NT5C1A: variants seen among roughly 807,000 people sequenced by gnomAD.
The protein encoded by NT5C1A is cytosolic 5'-nucleotidase 1A.
Under a neutral mutation model 31.0 loss-of-function variants are expected in NT5C1A, and 18 were observed. The ratio of observed to expected loss-of-function variants is 0.58; its 90% CI spans 0.40 to 0.86. The LOEUF (loss-of-function observed/expected upper bound fraction) is 0.86. Ranked by LOEUF, NT5C1A falls within the 40% of genes least tolerant of loss-of-function variation. NT5C1A has a pLI of 0.00. For synonymous variants in NT5C1A, 185 were observed against 203.6 expected (o/e 0.91, Z 0.78); for missense variants, 470 against 505.4 (o/e 0.93, Z 0.67).
At chr1:39,670,809 T>C (rs1458581423) in intron 1 of NT5C1A, among the ~76,000 whole-genome samples, 1 of 152,186 alleles carries the variant, frequency 6.6e-6, no homozygotes, top group African/African-American at 2.4e-5. Flanking sequence ...ACTCAGGCTT[T>C]AAGATCAGGA....
chr1:39,670,973 T>A (rs997805490), intron 1 of NT5C1A, among the ~76,000 whole-genome samples: 2 of 152,176 alleles, frequency 1.3e-5, no homozygotes, highest in African/African-American at 2.4e-5. Flanking sequence ...TCCCCACTCT[T>A]GAGCAGAGCT....
In NT5C1A at chr1:39,659,196, G is replaced by A. The variant is rs368575131; in HGVS notation, c.1032C>T (p.Ala344=). The change falls in exon 6 of 6, where the codon GCC becomes GCT. Residue 344 remains alanine, a synonymous_variant. Transcript: ENST00000235628. ...GTGCCACACCATAAGGCACATGGGC[G>A]GCCACAGTGCCCATCTCCTGAGCCC... The part of the protein sequence containing the change: ...VAGAQEMGTV[A]AHVPYGVAQT... The A allele has an allele frequency of 4.6e-5, 74 of 1,613,898 alleles. No homozygotes were observed. The highest frequency in any genetic ancestry group is 1.1e-4 in the African/African-American group (8 of 74,954).
At chr1:39,670,658 C>T (rs1166406880) in intron 1 of NT5C1A, among the ~76,000 whole-genome samples, 1 of 152,224 alleles carries the variant, frequency 6.6e-6, no homozygotes, top group Non-Finnish European at 1.5e-5. Flanking sequence ...CCTCTGTGGG[C>T]TCTTCCACAT....
chr1:39,662,786 C>T (rs771949171), intron 4 of NT5C1A, among the ~76,000 whole-genome samples: 2 of 152,318 alleles, frequency 1.3e-5, no homozygotes, highest in East Asian at 1.9e-4. Context: ...TCGAAAGACA[C>T]ACATAGAGGG....
chr1:39,664,487 T>TCTCCTCCTCCTCTC (rs202246374), intron 3 of NT5C1A, among the ~76,000 whole-genome samples: 1 of 1,448 alleles, frequency 6.9e-4, no homozygotes, highest in Admixed American at 6.3e-3. Flanking sequence ...AGAGTGGATT[T>TCTCCTCCTCCTCTC]CTCCTCCTCT....
intron 4 of NT5C1A, among the ~76,000 whole-genome samples, chr1:39,661,734 A>G (rs985397195): frequency 1.3e-5 from 2 of 152,184 alleles, no homozygotes; most frequent in East Asian, 3.9e-4. Context: ...AAGGAGCCCC[A>G]ACTCTGGGTT....
In NT5C1A at chr1:39,653,372, G is replaced by A. The variant is rs757687089; in HGVS notation, c.*5749C>T. Among the ~76,000 whole-genome samples the A allele has an allele frequency of 2.0e-5, 3 of 152,064 alleles. No homozygotes were observed. Among genetic ancestry groups the A allele is most frequent in the Non-Finnish European group, 4.4e-5 (3 of 68,014 alleles). On this transcript the variant is annotated 3_prime_UTR_variant, in exon 6 of 6. Coordinates refer to ENST00000235628, the MANE Select transcript of NT5C1A (RefSeq NM_032526.3). ...ACAGAGATAACCATCTGTACACATA[G>A]TGAGTACACACACACACACAGAGTC...
chr1:39,668,647 A>T (rs1217866958), intron 1 of NT5C1A, among the ~76,000 whole-genome samples: 1 of 152,048 alleles, frequency 6.6e-6, no homozygotes, highest in African/African-American at 2.4e-5. Flanking sequence ...TCCTCTCCTC[A>T]ACAGTTCCCA....
chr1:39,663,020 G>A (rs1646499785), intron 4 of NT5C1A, among the ~76,000 whole-genome samples: 1 of 152,202 alleles, frequency 6.6e-6, no homozygotes, highest in South Asian at 2.1e-4. Context: ...ATAGAAGAAA[G>A]TAGCTTTCTG....
At position 39,658,844 on chromosome 1, in the gene NT5C1A, C is replaced by A. The variant is rs968521186; in HGVS notation, c.*277G>T. Reference sequence around the variant, plus strand: ...GAGAAATCCTGGCTTCTCTGACCCTCCCCCTCTCAGACCCATTAACTTCCC... The same window carrying A: ...GAGAAATCCTGGCTTCTCTGACCCTACCCCTCTCAGACCCATTAACTTCCC... On this transcript the variant is annotated 3_prime_UTR_variant, in exon 6 of 6. Transcript: ENST00000235628. Among the ~76,000 whole-genome samples the A allele has an allele frequency of 6.6e-6, 1 of 152,144 alleles. No individual in the cohort carries two copies. Among genetic ancestry groups the A allele is most frequent in the Non-Finnish European group, 1.5e-5 (1 of 68,024 alleles).
chr1:39,666,143 CCA>C lies in NT5C1A; in HGVS notation c.227_228del (p.Val76GlyfsTer11). 6.2e-7 allele frequency: 1 copy of C among 1,613,660 alleles called. No homozygotes were observed. Among genetic ancestry groups the C allele is most frequent in the Non-Finnish European group, 8.5e-7 (1 of 1,180,010 alleles). On this transcript the variant is annotated frameshift_variant, in exon 2 of 6. Transcript: ENST00000235628. LOFTEE classifies it high-confidence loss of function. ...TCCAGCTGGTAGCGCACGTACTCCT[CCA>C]CGCCCTGCTCCGTGTAGATCTGCTG... ...EEQQIYTEQGVEEYVRYQLEH... is the reference protein window; with the variant it reads ...EEQQIYTEQGXEEYVRYQLEH...
rs1646492214 is a variant in NT5C1A, at chr1:39,661,282, G to T, written c.557-19C>A. The T allele has an allele frequency of 1.4e-6, 2 of 1,455,146 alleles. No homozygotes were observed. Among genetic ancestry groups the T allele is most frequent in the Non-Finnish European group, 1.9e-6 (2 of 1,041,428 alleles). 90.1% of individuals were successfully genotyped at this position (1,455,146 alleles called of 1,614,324 possible). A position where few individuals can be genotyped will look rare whatever the true frequency, so the allele number is the denominator to read the frequency against. On this transcript the variant is annotated intron_variant, in intron 4 of 5. Transcript: ENST00000235628. ...GCGATCCCTAGGCAGAGAGAGGCAA[G>T]CATTGTCTGCCTTCAGGCTGGGCAG...
In NT5C1A at chr1:39,659,196, G is replaced by T; in HGVS notation, c.1032C>A (p.Ala344=). Reference sequence around the variant, plus strand: ...GTGCCACACCATAAGGCACATGGGCGGCCACAGTGCCCATCTCCTGAGCCC... The same window carrying T: ...GTGCCACACCATAAGGCACATGGGCTGCCACAGTGCCCATCTCCTGAGCCC... ...VAGAQEMGTV[A]AHVPYGVAQT... The change falls in exon 6 of 6, where the codon GCC becomes GCA. Residue 344 remains alanine (A), a synonymous_variant. Transcript: ENST00000235628. 6.2e-7 allele frequency: 1 copy of T among 1,614,016 alleles called. No homozygotes were observed. Among genetic ancestry groups the T allele is most frequent in the Non-Finnish European group, 8.5e-7 (1 of 1,180,016 alleles).
rs753769924 is a variant in NT5C1A at position 39,666,082 on chromosome 1, A to T, written c.290T>A (p.Phe97Tyr). Residue 97 changes from phenylalanine (F) to tyrosine (Y), a missense_variant, in exon 2 of 6, where the codon TTC (phenylalanine) becomes TAC (tyrosine). Physicochemically the swap from Phe to Tyr is conservative, Grantham distance 22. Coordinates refer to ENST00000235628, the MANE Select transcript of NT5C1A (RefSeq NM_032526.3). ...CTGCTCCCTCACCTTCACAAAAGGG[A>T]AGGCTGGCCCGGGACTGAAGGGTTC... ...ENEPFSPGPAFPFVKALEAVN... is the reference protein window; with the variant it reads ...ENEPFSPGPAYPFVKALEAVN... The T allele has an allele frequency of 6.2e-7, 1 of 1,613,040 alleles. No homozygotes were observed. The highest frequency in any genetic ancestry group is 8.5e-7 in the Non-Finnish European group (1 of 1,179,638).
rs1411887962 is a variant in NT5C1A, at chr1:39,658,142, G to T, written c.*979C>A. On this transcript the variant is annotated 3_prime_UTR_variant, in exon 6 of 6. Coordinates refer to ENST00000235628, the MANE Select transcript of NT5C1A (RefSeq NM_032526.3). Reference sequence around the variant, plus strand: ...TGGCAGGCAAGAGCAACTGAACTTCGGCTCAAAGCAAGAGCAAAGGAAACA... The same window carrying T: ...TGGCAGGCAAGAGCAACTGAACTTCTGCTCAAAGCAAGAGCAAAGGAAACA... Among the ~76,000 whole-genome samples, 1 of 152,180 alleles carries T rather than the reference G, an allele frequency of 6.6e-6. No individual in the cohort carries two copies. The highest frequency in any genetic ancestry group is 3.2e-3 in the Middle Eastern group (1 of 316).
At position 39,652,091 on chromosome 1, in the gene NT5C1A, G is replaced by GAACAC. The variant is rs1402097820; in HGVS notation, c.*7025_*7029dup. 8.7e-6 allele frequency among the ~76,000 whole-genome samples: 1 copy of GAACAC among 115,568 alleles called. No individual in the cohort carries two copies. The highest frequency in any genetic ancestry group is 1.7e-5 in the Non-Finnish European group (1 of 57,420). The allele number at this position is 115,568 out of a possible 152,430, so 75.8% of individuals were successfully genotyped here. ...AAGAAGTTTGTACATACGCAGTTTT[G>GAACAC]AACACACAAAGGCTGAGCTAGGTCA... On this transcript the variant is annotated 3_prime_UTR_variant, in exon 6 of 6. Coordinates refer to ENST00000235628, the MANE Select transcript of NT5C1A (RefSeq NM_032526.3).
intron 4 of NT5C1A, among the ~76,000 whole-genome samples, chr1:39,661,627 T>A (rs1015435403): frequency 6.6e-6 from 1 of 152,216 alleles, no homozygotes; most frequent in East Asian, 1.9e-4. Context: ...AGTAAGATCA[T>A]GCTGCTGTGG....
At chr1:39,660,851 G>A (rs984966384) in intron 5 of NT5C1A, among the ~76,000 whole-genome samples, 9 of 152,088 alleles carry the variant, frequency 5.9e-5, no homozygotes, top group Non-Finnish European at 1.3e-4. Context: ...GATAGAGAAT[G>A]GAGGCTTCAA....
chr1:39,664,487 TCTC>T (rs202246374), intron 3 of NT5C1A, among the ~76,000 whole-genome samples: 81 of 1,428 alleles, frequency 0.057, 1 homozygote, highest in Non-Finnish European at 0.074. Flanking sequence ...AGAGTGGATT[TCTC>T]CTCCTCTCCT....
Sources: allele counts gnomAD v4.1 joint callset (sites outside exome capture counted in the v4.1 genomes callset), GRCh38; gene constraint gnomAD v4.1.1; transcripts MANE v1.5; gene names NCBI Gene and HGNC (gene_info 2026-07-23, HGNC 2026-07-21).